Variants in GSR observed in about 807,000 individuals in gnomAD.
GSR encodes glutathione-disulfide reductase.
A neutral mutation model predicts 56.5 loss-of-function variants in GSR; 48 were observed. The ratio of observed to expected loss-of-function variants is 0.85; its 90% CI spans 0.67 to 1.08. The LOEUF (loss-of-function observed/expected upper bound fraction) is 1.08. GSR is among the 50% of genes least tolerant of loss of function. The probability of loss-of-function intolerance (pLI) is 0.00; values close to 1 mark genes in which losing one functional copy is unlikely to be tolerated. For synonymous variants in GSR, 264 were observed against 270.8 expected (o/e 0.97, Z 0.25); for missense variants, 694 against 703.3 (o/e 0.99, Z 0.15).
chr8:30,692,735 CAA>C (rs1164766169), intron 8 of GSR, among the ~76,000 whole-genome samples: 1 of 151,884 alleles, frequency 6.6e-6, no homozygotes, highest in East Asian at 1.9e-4. Context: ...GTCCTGACTT[CAA>C]GTGTTCCGCC....
At chr8:30,706,293 A>G (rs1201229053) in intron 4 of GSR, among the ~76,000 whole-genome samples, 1 of 151,952 alleles carries the variant, frequency 6.6e-6, no homozygotes, top group Admixed American at 6.6e-5. Flanking sequence ...TCAGGCTAGG[A>G]GTTCAAGACC....
chr8:30,707,665 T>C (rs578255434), intron 4 of GSR, among the ~76,000 whole-genome samples: 3 of 147,758 alleles, frequency 2.0e-5, no homozygotes, highest in African/African-American at 7.5e-5. Flanking sequence ...TCGTTAAAAA[T>C]AAAATAGGGC....
chr8:30,719,632 G>A (rs1804461778), intron 1 of GSR, among the ~76,000 whole-genome samples: 1 of 152,062 alleles, frequency 6.6e-6, no homozygotes, highest in African/African-American at 2.4e-5. Flanking sequence ...CCAAACCGAT[G>A]ATCCATTCCT....
chr8:30,724,337 C>T (rs1293278697), intron 1 of GSR, among the ~76,000 whole-genome samples: 6 of 152,248 alleles, frequency 3.9e-5, no homozygotes, highest in East Asian at 1.9e-4. Context: ...TGCTCAAACC[C>T]ACCCCTGCCC....
chr8:30,714,679 AT>A (rs1381299663), intron 1 of GSR, among the ~76,000 whole-genome samples: 1 of 151,314 alleles, frequency 6.6e-6, no homozygotes, highest in African/African-American at 2.4e-5. Context: ...TTTTTATTTT[AT>A]TTTTTAAATA....
chr8:30,687,048 G>A (rs1400874572), intron 9 of GSR, among the ~76,000 whole-genome samples: 1 of 151,530 alleles, frequency 6.6e-6, no homozygotes, highest in Non-Finnish European at 1.5e-5. Context: ...CGTTGCCCAG[G>A]CTGGTCTCGA....
intron 5 of GSR, among the ~76,000 whole-genome samples, chr8:30,702,533 A>G (rs1181164740): frequency 6.6e-6 from 1 of 152,246 alleles, no homozygotes; most frequent in East Asian, 1.9e-4. Context: ...GTAAATAACA[A>G]CCCGTCTGAC....
chr8:30,727,595 G>A lies in GSR; in HGVS notation c.241C>T (p.Arg81Cys). ...GGGSGGLASA[R>C]RAAELGARAA... ...CTGGCACCCAGCTCGGCCGCCCTGC[G>A]CGCGCTGGCCAGCCCGCCCGAGCCG... The change falls in exon 1 of 13, where the codon CGC (arginine) becomes TGC (cysteine). Residue 81 changes from arginine (R) to cysteine (C), a missense_variant. By Grantham distance (180) the Arg-to-Cys change is radical (BLOSUM62 -3). Transcript: ENST00000221130. 6.5e-7 allele frequency: 1 copy of A among 1,528,838 alleles called. No homozygotes were observed. The allele number at this position is 1,528,838 out of a possible 1,614,324, so 94.7% of individuals were successfully genotyped here.
chr8:30,715,493 T>C (rs1442068170), intron 1 of GSR, among the ~76,000 whole-genome samples: 2 of 152,168 alleles, frequency 1.3e-5, no homozygotes, highest in Non-Finnish European at 2.9e-5. Flanking sequence ...GTCGAAACTC[T>C]GTGGGAAGAA....
chr8:30,693,369 A>T (rs977951258), intron 7 of GSR, among the ~76,000 whole-genome samples: 1 of 152,114 alleles, frequency 6.6e-6, no homozygotes. Flanking sequence ...CACTTTTCGT[A>T]TCTCAAGGTC....
rs1291825469 is a variant in GSR, at chr8:30,709,819, A to G, written c.417T>C (p.Asn139=). ...YGFPSCEGKF[N]WRVIKEKRDA... Reference sequence around the variant, plus strand: ...CTCTGAGTGTTGACACTTACCGCCAATTGAATTTACCCTCACAACTTGGAA... The same window carrying G: ...CTCTGAGTGTTGACACTTACCGCCAGTTGAATTTACCCTCACAACTTGGAA... The change falls in exon 3 of 13, where the codon AAT becomes AAC. Residue 139 remains asparagine, a synonymous_variant. Transcript: ENST00000221130. 6.4e-7 allele frequency: 1 copy of G among 1,552,182 alleles called. No homozygotes were observed. Among genetic ancestry groups the G allele is most frequent in the Non-Finnish European group, 8.9e-7 (1 of 1,123,952 alleles).
At chr8:30,692,568 C>T (rs1171842570) in intron 8 of GSR, among the ~76,000 whole-genome samples, 1 of 131,676 alleles carries the variant, frequency 7.6e-6, no homozygotes, top group African/African-American at 2.9e-5. Flanking sequence ...GTGGCACAAT[C>T]TCGGCTCACT....
intron 4 of GSR, 107 bp downstream of exon 4, chr8:30,707,964 AT>A (rs1198430047): frequency 5.9e-6 from 4 of 678,878 alleles, no homozygotes; most frequent in African/African-American, 1.8e-5. Flanking sequence ...CTCCAAAAAA[AT>A]AATAATAAAA....
At position 30,718,659 on chromosome 8, in the gene GSR, C is replaced by G. The variant is rs1804423737; in HGVS notation, c.307-6571G>C. 2.6e-5 allele frequency among the ~76,000 whole-genome samples: 4 copies of G among 152,112 alleles called. No homozygotes were observed. The South Asian group carries it at 8.3e-4, about 32-fold the overall frequency. The stretch of plus-strand genomic sequence containing the variant: ...AGATGAGTTCTCAGGGCTCTGGTTG[C>G]CCAGAGTTGCACATTGCTAAGACCC... On this transcript the variant is annotated intron_variant, in intron 1 of 12. Transcript: ENST00000221130.
rs1435745211 is a variant in GSR, at chr8:30,679,409, C to T, written c.*111G>A. On this transcript the variant is annotated 3_prime_UTR_variant, in exon 13 of 13. Coordinates refer to ENST00000221130, the MANE Select transcript of GSR (RefSeq NM_000637.5). ...TAAAAATTTCCACTATCAGAAGATC[C>T]TGATTAAAATAAAGAAATACATAAA... 7 of 1,076,764 alleles carry T rather than the reference C, an allele frequency of 6.5e-6. No individual in the cohort carries two copies. Among genetic ancestry groups the T allele is most frequent in the Non-Finnish European group, 8.4e-6 (6 of 716,954 alleles). 66.7% of individuals were successfully genotyped at this position (1,076,764 alleles called of 1,614,324 possible). A position where few individuals can be genotyped will look rare whatever the true frequency, so the allele number is the denominator to read the frequency against.
chr8:30,712,151 GCAAGA>G lies in GSR; in HGVS notation c.307-68_307-64del. Reference sequence around the variant, plus strand: ...GAATTCAAACCATCAAACGAAATCTGCAAGAAATGCACGCTAAGCATCAAGCGAGG... The same window carrying G: ...GAATTCAAACCATCAAACGAAATCTGAATGCACGCTAAGCATCAAGCGAGG... On this transcript the variant is annotated intron_variant, in intron 1 of 12. Transcript: ENST00000221130. 1.2e-5 allele frequency: 10 copies of G among 842,124 alleles called. No individual in the cohort carries two copies. In the Admixed American group the frequency reaches 1.6e-4, roughly 13 times the overall value. The allele number at this position is 842,124 out of a possible 1,614,324, so 52.2% of individuals were successfully genotyped here.
chr8:30,688,823 T>C (rs558942423), intron 9 of GSR, among the ~76,000 whole-genome samples: 1 of 151,710 alleles, frequency 6.6e-6, no homozygotes, highest in African/African-American at 2.4e-5. Context: ...CTCCAGAAGC[T>C]GAGGTGGGTG....
Position 30,727,714 on chromosome 8 carries a change from G to C in GSR, c.122C>G (p.Ser41Cys). The C allele has an allele frequency of 1.4e-6, 2 of 1,418,412 alleles. No individual in the cohort carries two copies. Among genetic ancestry groups the C allele is most frequent in the Non-Finnish European group, 1.8e-6 (2 of 1,093,098 alleles). The allele number at this position is 1,418,412 out of a possible 1,614,324, so 87.9% of individuals were successfully genotyped here. A position where few individuals can be genotyped will look rare whatever the true frequency, so the allele number is the denominator to read the frequency against. ...CTCCTGCCTGCAGGCCATGGCACGG[G>C]AGAGGGCGCGCGTGAGGGCCGCGGG... Reference protein sequence around the residue: ...PEPAALTRALSRAMACRQEPQ... With the variant: ...PEPAALTRALCRAMACRQEPQ... Residue 41 changes from serine (S) to cysteine (C), a missense_variant, in exon 1 of 13, where the codon TCC (serine) becomes TGC (cysteine). By Grantham distance (112) the Ser-to-Cys change is moderately radical. Coordinates refer to ENST00000221130, the MANE Select transcript of GSR (RefSeq NM_000637.5).
At chr8:30,713,987 G>GTAGATT (rs1353298195) in intron 1 of GSR, among the ~76,000 whole-genome samples, 1 of 152,118 alleles carries the variant, frequency 6.6e-6, no homozygotes. Flanking sequence ...AAAGGGCAAG[G>GTAGATT]TAGATTTCTA....
Sources: gnomAD v4.1 joint callset for allele counts (sites outside exome capture counted in the v4.1 genomes callset) on GRCh38, gnomAD v4.1.1 for gene constraint, MANE v1.5 for transcripts, NCBI Gene and HGNC (gene_info 2026-07-23, HGNC 2026-07-21) for gene names.